Variants in DOCK11 observed in about 807,000 individuals in gnomAD.
DOCK11 encodes the protein dedicator of cytokinesis 11.
Under a neutral mutation model 169.1 loss-of-function variants are expected in DOCK11, and 70 were observed. The ratio of observed to expected loss-of-function variants is 0.41; its 90% CI spans 0.34 to 0.51. DOCK11 has a LOEUF of 0.51. DOCK11 is among the 20% of genes least tolerant of loss of function. The pLI is 0.10. For missense variants in DOCK11, 1,166 were observed against 1,538.8 expected (o/e 0.76, Z 4.05); for synonymous variants, 529 against 541.3 (o/e 0.98, Z 0.32).
chrX:118,503,676 A>G (rs960076277), intron 1 of DOCK11, among the ~76,000 whole-genome samples: 1 of 111,531 alleles, frequency 9.0e-6, no homozygotes, highest in Non-Finnish European at 1.9e-5. Context: ...GTCTTTTGGC[A>G]AAGGACTAGG....
At chrX:118,565,940 C>A in intron 7 of DOCK11, 65 bp from the exon 8 acceptor site, 1 of 1,037,432 alleles carries the variant, frequency 9.6e-7, no homozygotes, top group Non-Finnish European at 1.3e-6. Flanking sequence ...TAAATATAAA[C>A]TAATGAAATC....
At chrX:118,527,389 C>G (rs951336129) in intron 1 of DOCK11, among the ~76,000 whole-genome samples, 1 of 112,200 alleles carries the variant, frequency 8.9e-6, no homozygotes, top group Non-Finnish European at 1.9e-5. Flanking sequence ...GAATTTCCCT[C>G]TCTTACTTTT....
At chrX:118,637,398 T>A (rs1446501473) in intron 36 of DOCK11, among the ~76,000 whole-genome samples, 1 of 111,889 alleles carries the variant, frequency 8.9e-6, no homozygotes, top group African/African-American at 3.3e-5. Context: ...AGTATTTTAA[T>A]GCTATTATTT....
In DOCK11 at chrX:118,591,999, A is replaced by G. The variant is rs189232061; in HGVS notation, c.2140-1215A>G. The stretch of plus-strand genomic sequence containing the variant: ...ATGGATGCATAGTATTCCATGGTGT[A>G]TATGTGCCACATTTTCTTAATCCAG... On this transcript the variant is annotated intron_variant, in intron 19 of 52. Transcript: ENST00000276202. 2.0e-4 allele frequency among the ~76,000 whole-genome samples: 21 copies of G among 107,388 alleles called. No individual in the cohort carries two copies. The East Asian group carries it at 5.7e-3, about 29-fold the overall frequency. The allele number at this position is 107,388 out of a possible 115,157, so 93.3% of individuals were successfully genotyped here. A position where few individuals can be genotyped will look rare whatever the true frequency, so the allele number is the denominator to read the frequency against.
In DOCK11 at chrX:118,599,209, A is replaced by G. The variant is rs777040471; in HGVS notation, c.2543A>G (p.Glu848Gly). 3.2e-5 allele frequency: 38 copies of G among 1,205,069 alleles called. 1 individual carries two copies. Among genetic ancestry groups the G allele is most frequent in the Non-Finnish European group, 1.9e-5 (17 of 891,786 alleles). ...TCAGGCTCGAAAGAAGTTCCAGGGGAGCTCATTAAATATTTAAAGGTAAAT... is the reference window on the plus strand; with the variant it reads ...TCAGGCTCGAAAGAAGTTCCAGGGGGGCTCATTAAATATTTAAAGGTAAAT... ...IQSGSKEVPG[E>G]LIKYLKCLHA... Residue 848 changes from glutamate to glycine, a missense_variant, in exon 23 of 53, where the codon GAG (glutamate) becomes GGG (glycine). Transcript: ENST00000276202.
intron 40 of DOCK11, among the ~76,000 whole-genome samples, chrX:118,646,912 A>T (rs2015684946): frequency 1.8e-5 from 2 of 111,475 alleles, no homozygotes; most frequent in Non-Finnish European, 3.8e-5. Flanking sequence ...TCACTCTCTG[A>T]AAAACATCTA....
chrX:118,629,269 G>T (rs775469592), intron 34 of DOCK11, among the ~76,000 whole-genome samples: 1 of 111,343 alleles, frequency 9.0e-6, no homozygotes, highest in South Asian at 3.8e-4. Context: ...TGTGACAACA[G>T]GTACTGTCAT....
Position 118,627,588 on chromosome X carries a change from A to G in DOCK11, c.3664+9A>G. 1 of 1,184,344 alleles carries G rather than the reference A, an allele frequency of 8.4e-7. No individual in the cohort carries two copies. ...CACTGACAAAGACACCGGTAATTAA[A>G]CCTTTTGGAGATGATACATTGCGTG... On this transcript the variant is annotated intron_variant, in intron 33 of 52. Coordinates refer to ENST00000276202, the MANE Select transcript of DOCK11 (RefSeq NM_144658.4).
At chrX:118,647,968 A>ATTATATATAATATATAATATATT (rs1253669473) in intron 40 of DOCK11, among the ~76,000 whole-genome samples, 1 of 38,288 alleles carries the variant, frequency 2.6e-5, no homozygotes, top group African/African-American at 1.2e-4. Context: ...TATAATATAT[A>ATTATATATAATATATAATATATT]ATTATATATA....
chrX:118,632,972 G>GGGGGGGGGGGGAGGGGGGT (rs2015287847), intron 35 of DOCK11: 1 of 83,888 alleles, frequency 1.2e-5, no homozygotes, highest in Non-Finnish European at 2.3e-5. Context: ...GGGGCGGTGG[G>GGGGGGGGGGGGAGGGGGGT]GGGGGGGGTG....
chrX:118,625,587 C>T (rs779693036), intron 32 of DOCK11, among the ~76,000 whole-genome samples: 9 of 112,079 alleles, frequency 8.0e-5, no homozygotes, highest in Non-Finnish European at 1.3e-4. Flanking sequence ...ATCCTTTGAA[C>T]GCTGTGTTTT....
At chrX:118,618,403 A>G in intron 30 of DOCK11, 147 bp from the exon 31 acceptor site, 2 of 445,648 alleles carry the variant, frequency 4.5e-6, no homozygotes, top group Non-Finnish European at 6.9e-6. Context: ...CTTATTCTAG[A>G]TGATAAAAGA....
intron 10 of DOCK11, among the ~76,000 whole-genome samples, chrX:118,570,359 C>T (rs757823125): frequency 8.9e-6 from 1 of 112,250 alleles, no homozygotes; most frequent in East Asian, 2.8e-4. Flanking sequence ...TTCCATTCTA[C>T]TGTCTGAGTA....
chrX:118,670,898 T>G, intron 45 of DOCK11, 125 bp from the exon 46 acceptor site: 1 of 499,060 alleles, frequency 2.0e-6, no homozygotes, highest in Non-Finnish European at 3.1e-6. Flanking sequence ...TATGTTCCTT[T>G]TGTGCATCTC....
intron 40 of DOCK11, among the ~76,000 whole-genome samples, chrX:118,644,365 A>T (rs1484848342): frequency 6.2e-5 from 7 of 112,045 alleles, no homozygotes; most frequent in Non-Finnish European, 1.1e-4. Flanking sequence ...ATAGCAGCCA[A>T]TTGTGTTTAA....
chrX:118,643,684 C>T, intron 40 of DOCK11, 90 bp downstream of exon 40: 2 of 1,009,292 alleles, frequency 2.0e-6, no homozygotes, highest in Non-Finnish European at 2.7e-6. Context: ...GTGACATATA[C>T]AATGCCAGCT....
intron 24 of DOCK11, among the ~76,000 whole-genome samples, chrX:118,606,739 C>T (rs1169001852): frequency 9.0e-6 from 1 of 111,536 alleles, no homozygotes; most frequent in Non-Finnish European, 1.9e-5. Context: ...AACTTTAGGC[C>T]AGTGGTTTCC....
rs763843452 is a variant in DOCK11, at chrX:118,608,374, A to T, written c.2877+18A>T. ...TGCTAAAGGTATGAACACAGGACAC[A>T]ACAAGGAACAAAAGCAGCCATAGAC... On this transcript the variant is annotated intron_variant, in intron 26 of 52. Transcript: ENST00000276202. 2.5e-6 allele frequency: 3 copies of T among 1,184,056 alleles called. No homozygotes were observed. Among genetic ancestry groups the T allele is most frequent in the Admixed American group, 2.5e-5 (1 of 40,075 alleles).
At chrX:118,599,066 A>C in intron 22 of DOCK11, 73 bp from the exon 23 acceptor site, 1 of 812,508 alleles carries the variant, frequency 1.2e-6, no homozygotes, top group Non-Finnish European at 1.9e-6. Context: ...ATACAGGAGG[A>C]GGGAGAGGTA....
Sources: allele counts gnomAD v4.1 joint callset (sites outside exome capture counted in the v4.1 genomes callset), GRCh38; gene constraint gnomAD v4.1.1; transcripts MANE v1.5; gene names NCBI Gene and HGNC (gene_info 2026-07-23, HGNC 2026-07-21).